Variants in ENOPH1 observed in about 807,000 individuals in gnomAD.
ENOPH1 encodes the protein enolase-phosphatase E1.
A neutral mutation model predicts 31.1 loss-of-function variants in ENOPH1; 14 were observed. The observed-to-expected ratio is 0.45, with a 90% CI of 0.30 to 0.70. The LOEUF (loss-of-function observed/expected upper bound fraction) is 0.70, where lower values mean the gene tolerates loss of function less well. Ranked by LOEUF, ENOPH1 falls within the 30% of genes least tolerant of loss-of-function variation. ENOPH1 has a pLI of 0.09. For missense variants in ENOPH1, 243 were observed against 321.5 expected (o/e 0.76, Z 1.87); for synonymous variants, 127 against 123.2 (o/e 1.03, Z -0.21).
At chr4:82,453,225 C>T (rs1157516563) in intron 3 of ENOPH1, among the ~76,000 whole-genome samples, 1 of 152,164 alleles carries the variant, frequency 6.6e-6, no homozygotes, top group East Asian at 1.9e-4. Flanking sequence ...GGATTTTAGG[C>T]CATTGCCTGC....
In ENOPH1 at chr4:82,430,838, G is replaced by A. The variant is rs1721723478; in HGVS notation, c.9G>A (p.Val3=). The change falls in exon 1 of 6, where the codon GTG becomes GTA. Residue 3 remains valine (V), a synonymous_variant. Transcript: ENST00000273920. The part of the protein sequence containing the change: MV[V]LSVPAEVTVI... The stretch of plus-strand genomic sequence containing the variant: ...TAGCATCCGGTAGGGAAATGGTCGT[G>A]CTTTCGGTCCCCGCCGAAGTCACCG... 5 of 1,614,128 alleles carry A rather than the reference G, an allele frequency of 3.1e-6. No homozygotes were observed. The highest frequency in any genetic ancestry group is 4.2e-6 in the Non-Finnish European group (5 of 1,179,976).
intron 1 of ENOPH1, 95 bp downstream of exon 1, chr4:82,431,008 A>G (rs1336536204): frequency 8.1e-6 from 9 of 1,107,710 alleles, no homozygotes; most frequent in South Asian, 4.1e-5. Flanking sequence ...GACGAGGGTT[A>G]GGAGAGGCGG....
At chr4:82,459,609 T>C (rs962213565) in intron 5 of ENOPH1, among the ~76,000 whole-genome samples, 1 of 151,914 alleles carries the variant, frequency 6.6e-6, no homozygotes, top group African/African-American at 2.4e-5. Flanking sequence ...AGCTTGTCCT[T>C]TGGGAAACAG....
At chr4:82,453,595 T>C (rs890011843) in intron 3 of ENOPH1, among the ~76,000 whole-genome samples, 5 of 152,252 alleles carry the variant, frequency 3.3e-5, no homozygotes, top group African/African-American at 1.2e-4. Context: ...TACGTTGATC[T>C]CTTTCCTTCA....
intron 2 of ENOPH1, among the ~76,000 whole-genome samples, chr4:82,448,346 C>T (rs57483421): frequency 4.5e-4 from 68 of 151,158 alleles, no homozygotes; most frequent in Non-Finnish European, 7.8e-4. Context: ...ACTGCAACCT[C>T]GCTTACTGGG....
rs1241224371 is a variant in ENOPH1 at position 82,456,986 on chromosome 4, C to G, written c.594C>G (p.Asp198Glu). 2 of 1,613,956 alleles carry G rather than the reference C, an allele frequency of 1.2e-6. No homozygotes were observed. Among genetic ancestry groups the G allele is most frequent in the Non-Finnish European group, 1.7e-6 (2 of 1,179,998 alleles). The change falls in exon 5 of 6, where the codon GAC becomes GAG. Residue 198 changes from aspartate to glutamate, a missense_variant. By Grantham distance (45) the Asp-to-Glu change is conservative (BLOSUM62 2). Transcript: ENST00000273920. ...GTGAAAGTTACCGAAAGATTGCAGA[C>G]AGCATTGGGTGCTCAACCAACAACA... ...VESESYRKIA[D>E]SIGCSTNNIL...
chr4:82,448,463 C>T (rs529369128), intron 2 of ENOPH1, among the ~76,000 whole-genome samples: 2 of 151,634 alleles, frequency 1.3e-5, no homozygotes, highest in Non-Finnish European at 2.9e-5. Flanking sequence ...GGTTTCACCG[C>T]ATTGGACAGG....
Position 82,447,942 on chromosome 4 carries a change from A to T in ENOPH1, c.107A>T (p.Glu36Val), listed in dbSNP as rs1056499708. 4 of 1,609,666 alleles carry T rather than the reference A, an allele frequency of 2.5e-6. No homozygotes were observed. The highest frequency in any genetic ancestry group is 3.4e-6 in the Non-Finnish European group (4 of 1,177,718). ...CAGGACATTTTATTTCCTTACATCGAAGAAAATGTTAAAGAGTATCTGCAG... is the reference window on the plus strand; with the variant it reads ...CAGGACATTTTATTTCCTTACATCGTAGAAAATGTTAAAGAGTATCTGCAG... ...FVKDILFPYIEENVKEYLQTH... is the reference protein window; with the variant it reads ...FVKDILFPYIVENVKEYLQTH... The change falls in exon 2 of 6, where the codon GAA (glutamate) becomes GTA (valine). Residue 36 changes from glutamate (E) to valine (V), a missense_variant. Coordinates refer to ENST00000273920, the MANE Select transcript of ENOPH1 (RefSeq NM_021204.5).
intron 3 of ENOPH1, among the ~76,000 whole-genome samples, chr4:82,452,409 A>G (rs1722373200): frequency 1.3e-5 from 2 of 151,806 alleles, no homozygotes; most frequent in South Asian, 4.2e-4. Context: ...CCTGGGTTCA[A>G]GCGATTCTCC....
rs1377816358 is a variant in ENOPH1 at position 82,460,110 on chromosome 4, C to T, written c.776C>T (p.Ser259Phe). The T allele has an allele frequency of 1.2e-6, 2 of 1,614,206 alleles. No individual in the cohort carries two copies. The highest frequency in any genetic ancestry group is 2.2e-5 in the East Asian group (1 of 44,882). ...ITSFSELYLP[S>F]ST ...TCCTTCAGTGAACTATACCTGCCTT[C>T]CTCAACCTAGAGAAGGGTTGTTAAG... The change falls in exon 6 of 6, where the codon TCC (serine) becomes TTC (phenylalanine). Residue 259 changes from serine (S) to phenylalanine (F), a missense_variant. Coordinates refer to ENST00000273920, the MANE Select transcript of ENOPH1 (RefSeq NM_021204.5).
chr4:82,445,220 C>T (rs1386032426), intron 1 of ENOPH1, among the ~76,000 whole-genome samples: 1 of 151,482 alleles, frequency 6.6e-6, no homozygotes, highest in Non-Finnish European at 1.5e-5. Context: ...CAGATCAAGA[C>T]TCTGTCTCAA....
At chr4:82,457,127 A>G (rs1722511004) in intron 5 of ENOPH1, 89 bp downstream of exon 5, 1 of 1,201,772 alleles carries the variant, frequency 8.3e-7, no homozygotes, top group African/African-American at 1.6e-5. Flanking sequence ...GAAACTTTAT[A>G]TGGGGATCCT....
At chr4:82,432,182 G>C (rs1200535843) in intron 1 of ENOPH1, among the ~76,000 whole-genome samples, 4 of 152,194 alleles carry the variant, frequency 2.6e-5, no homozygotes, top group Non-Finnish European at 5.9e-5. Context: ...ATGAGCCAAG[G>C]CGCCTGGCCT....
chr4:82,457,205 TAA>T (rs200636321), intron 5 of ENOPH1, among the ~76,000 whole-genome samples, 167 bp downstream of exon 5: 7 of 144,716 alleles, frequency 4.8e-5, no homozygotes, highest in Non-Finnish European at 1.1e-4. Flanking sequence ...ATGTTTGAAT[TAA>T]AAAAAAAAAA....
chr4:82,460,122 G>A lies in ENOPH1; in HGVS notation c.*2G>A. 1.9e-6 allele frequency: 3 copies of A among 1,614,198 alleles called. No homozygotes were observed. The highest frequency in any genetic ancestry group is 8.5e-7 in the Non-Finnish European group (1 of 1,180,034). On this transcript the variant is annotated 3_prime_UTR_variant, in exon 6 of 6. Transcript: ENST00000273920. Reference sequence around the variant, plus strand: ...CTATACCTGCCTTCCTCAACCTAGAGAAGGGTTGTTAAGGCAGACCGCCCT... The same window carrying A: ...CTATACCTGCCTTCCTCAACCTAGAAAAGGGTTGTTAAGGCAGACCGCCCT...
At position 82,457,792 on chromosome 4, in the gene ENOPH1, A is replaced by G. The variant is rs3755888; in HGVS notation, c.646+754A>G. Among the ~76,000 whole-genome samples, 13 of 152,344 alleles carry G rather than the reference A, an allele frequency of 8.5e-5. No individual in the cohort carries two copies. The East Asian group carries it at 1.5e-3, about 18-fold the overall frequency. On this transcript the variant is annotated intron_variant, in intron 5 of 5. Transcript: ENST00000273920. ...ATCCCCGGACCTTTGCTCTATCTCA[A>G]TATTAAGAATTATAACCCCTGTCCT... is the stretch of plus-strand genomic sequence containing the variant.
intron 1 of ENOPH1, among the ~76,000 whole-genome samples, chr4:82,441,146 C>G (rs1722028778): frequency 6.6e-6 from 1 of 152,170 alleles, no homozygotes; most frequent in Non-Finnish European, 1.5e-5. Context: ...TTAGTCTGTT[C>G]TCATGCTGCT....
In ENOPH1 at chr4:82,454,732, G is replaced by C; in HGVS notation, c.400G>C (p.Asp134His). ...AGRMKAEFFA[D>H]VVPAVRKWRE... ...TGGTCTTCCCTCTAGGTTCTTTGCA[G>C]ATGTAGTTCCAGCAGTCAGGAAGTG... Residue 134 changes from aspartate to histidine, a missense_variant, in exon 4 of 6, where the codon GAT becomes CAT. Transcript: ENST00000273920. 6.2e-7 allele frequency: 1 copy of C among 1,613,282 alleles called. No homozygotes were observed. The highest frequency in any genetic ancestry group is 8.5e-7 in the Non-Finnish European group (1 of 1,179,840).
rs187537012 is a variant in ENOPH1 at position 82,432,377 on chromosome 4, C to T, written c.84+1464C>T. 7.9e-5 allele frequency among the ~76,000 whole-genome samples: 12 copies of T among 152,188 alleles called. No individual in the cohort carries two copies. The East Asian group carries it at 9.7e-4, about 12-fold the overall frequency. On this transcript the variant is annotated intron_variant, in intron 1 of 5. Transcript: ENST00000273920. The stretch of plus-strand genomic sequence containing the variant: ...GTTTTTGTTTTGAGGCGGAGTCTCG[C>T]TCTGTTGCCCAGGCTGGAGTGCAGT...
Sources: allele counts gnomAD v4.1 joint callset (sites outside exome capture counted in the v4.1 genomes callset), GRCh38; gene constraint gnomAD v4.1.1; transcripts MANE v1.5; gene names NCBI Gene and HGNC (gene_info 2026-07-23, HGNC 2026-07-21).